The following PARD3 variants were observed in gnomAD, a reference collection of about 807,000 sequenced individuals.
The protein encoded by PARD3 is partitioning defective 3 homolog.
A neutral mutation model predicts 155.4 loss-of-function variants in PARD3; 75 were observed. The ratio of observed to expected loss-of-function variants is 0.48; its 90% CI spans 0.40 to 0.58. PARD3 has a LOEUF of 0.58. Among genes scored for constraint, PARD3 ranks in the 20% least tolerant of loss-of-function variants. The pLI is 0.00. For missense variants in PARD3, 1,642 were observed against 1,721.7 expected, an observed-to-expected ratio of 0.95 and a Z score of 0.82; for synonymous variants, 576 against 610.5, an observed-to-expected ratio of 0.94 and a Z score of 0.83.
At chr10:34,710,036 A>C (rs2094428471) in intron 1 of PARD3, among the ~76,000 whole-genome samples, 1 of 152,220 alleles carries the variant, frequency 6.6e-6, no homozygotes. Context: ...GGTACCACGC[A>C]TCAAAATGCT....
At chr10:34,465,866 T>C (rs1483321137) in intron 4 of PARD3, among the ~76,000 whole-genome samples, 7 of 152,130 alleles carry the variant, frequency 4.6e-5, no homozygotes, top group African/African-American at 1.7e-4. Flanking sequence ...GCTCATTACA[T>C]CTTTCTTGAT....
intron 22 of PARD3, among the ~76,000 whole-genome samples, chr10:34,164,030 C>CA (rs1275264521): frequency 6.6e-6 from 1 of 152,046 alleles, no homozygotes; most frequent in Non-Finnish European, 1.5e-5. Flanking sequence ...TAAACATGCA[C>CA]AAAATATGGT....
intron 12 of PARD3, among the ~76,000 whole-genome samples, chr10:34,360,546 T>TTAGA (rs1839344628): frequency 1.3e-5 from 2 of 152,160 alleles, no homozygotes; most frequent in South Asian, 4.1e-4. Context: ...GACTAGTAGA[T>TTAGA]TTCTAGAGTT....
intron 12 of PARD3, among the ~76,000 whole-genome samples, chr10:34,363,474 G>A (rs1839659869): frequency 6.6e-6 from 1 of 152,134 alleles, no homozygotes; most frequent in South Asian, 2.1e-4. Flanking sequence ...TTTTGACATA[G>A]ACAGAAATTA....
chr10:34,260,912 C>T (rs1483167080), intron 22 of PARD3, among the ~76,000 whole-genome samples: 2 of 152,062 alleles, frequency 1.3e-5, no homozygotes, highest in Non-Finnish European at 1.5e-5. Context: ...TTGACGCAAC[C>T]GGATTCTGAT....
intron 1 of PARD3, among the ~76,000 whole-genome samples, chr10:34,804,035 G>GTTTTTTTT: frequency 7.3e-6 from 1 of 136,898 alleles, no homozygotes; most frequent in Non-Finnish European, 1.6e-5. Context: ...ATTTGTTTTT[G>GTTTTTTTT]TTTTTTTTTT....
At chr10:34,122,306 T>A (rs1032010446) in intron 23 of PARD3, among the ~76,000 whole-genome samples, 6 of 152,206 alleles carry the variant, frequency 3.9e-5, no homozygotes, top group Admixed American at 3.9e-4. Context: ...TTTAAGTTGT[T>A]TCTCCCATAG....
chr10:34,455,227 G>T (rs1031727398), intron 4 of PARD3, among the ~76,000 whole-genome samples: 7 of 152,052 alleles, frequency 4.6e-5, no homozygotes, highest in African/African-American at 1.7e-4. Flanking sequence ...AGAATTATGA[G>T]AAATCATAGC....
intron 22 of PARD3, among the ~76,000 whole-genome samples, chr10:34,205,871 TC>T (rs1011060342): frequency 1.3e-5 from 2 of 152,022 alleles, no homozygotes; most frequent in African/African-American, 2.4e-5. Flanking sequence ...CCGGATACAG[TC>T]CCCCCATCCC....
At chr10:34,646,120 T>C (rs1445201961) in intron 2 of PARD3, among the ~76,000 whole-genome samples, 1 of 152,242 alleles carries the variant, frequency 6.6e-6, no homozygotes, top group African/African-American at 2.4e-5. Context: ...GGTTATCATA[T>C]GTAACCACTC....
chr10:34,491,510 G>T (rs1236827660), intron 3 of PARD3, among the ~76,000 whole-genome samples: 1 of 152,078 alleles, frequency 6.6e-6, no homozygotes, highest in East Asian at 1.9e-4. Flanking sequence ...TCCCTCTTGG[G>T]AATGATAACA....
chr10:34,562,211 C>T (rs942396186), intron 2 of PARD3, among the ~76,000 whole-genome samples: 1 of 134,512 alleles, frequency 7.4e-6, no homozygotes, highest in Admixed American at 7.8e-5. Context: ...CTGAGGCGGG[C>T]GGATTACCTG....
chr10:34,437,002 T>C lies in PARD3; in HGVS notation c.714+13315A>G, dbSNP rs1018013829. Among the ~76,000 whole-genome samples, 16 of 152,312 alleles carry C rather than the reference T, an allele frequency of 1.1e-4. No individual in the cohort carries two copies. The South Asian group carries it at 1.9e-3, about 18-fold the overall frequency. ...AGTTGGGGGAGGGAGACTACTATTT[T>C]GCATCTCCATGTATAACGTTTGATT... On this transcript the variant is annotated intron_variant, in intron 5 of 24. Transcript: ENST00000374788.
rs183179783 is a variant in PARD3, at chr10:34,696,188, A to G, written c.222+130T>C. ...TGATACTTATTATAAAAGAAAATAT[A>G]CTAGAGTGGGTGGCCCACACATAAT... On this transcript the variant is annotated intron_variant, in intron 2 of 24. Transcript: ENST00000374788. 1.6e-5 allele frequency: 10 copies of G among 606,248 alleles called. No individual in the cohort carries two copies. In the Admixed American group the frequency reaches 1.9e-4, roughly 12 times the overall value. The allele number at this position is 606,248 out of a possible 1,614,324, so 37.6% of individuals were successfully genotyped here. A position where few individuals can be genotyped will look rare whatever the true frequency, so the allele number is the denominator to read the frequency against.
intron 24 of PARD3, among the ~76,000 whole-genome samples, chr10:34,115,189 G>A (rs781447837): frequency 6.6e-5 from 10 of 152,152 alleles, no homozygotes; most frequent in Non-Finnish European, 1.0e-4. Context: ...AATGGGCCTC[G>A]TGGAGAGAAC....
intron 2 of PARD3, among the ~76,000 whole-genome samples, chr10:34,530,412 T>C (rs1450660006): frequency 6.6e-6 from 1 of 152,218 alleles, no homozygotes; most frequent in Non-Finnish European, 1.5e-5. Flanking sequence ...TTTCTGGCAC[T>C]GCTTCGTCTC....
chr10:34,239,787 A>G (rs1953464161), intron 22 of PARD3, among the ~76,000 whole-genome samples: 1 of 145,402 alleles, frequency 6.9e-6, no homozygotes, highest in African/African-American at 2.6e-5. Context: ...TGGGCAATGG[A>G]GTGACACTCC....
chr10:34,496,834 A>G (rs1304753359), intron 3 of PARD3, among the ~76,000 whole-genome samples: 1 of 152,252 alleles, frequency 6.6e-6, no homozygotes. Context: ...TTTTAATAAC[A>G]CTATTACATA....
chr10:34,329,002 A>ACTTTAT (rs1297958215), intron 19 of PARD3, among the ~76,000 whole-genome samples: 1 of 152,186 alleles, frequency 6.6e-6, no homozygotes, highest in Non-Finnish European at 1.5e-5. Flanking sequence ...CTTGTCCAGA[A>ACTTTAT]CTTTATCTTT....
Sources: allele counts gnomAD v4.1 joint callset (sites outside exome capture counted in the v4.1 genomes callset), GRCh38; gene constraint gnomAD v4.1.1; transcripts MANE v1.5; gene names NCBI Gene and HGNC (gene_info 2026-07-23, HGNC 2026-07-21).